GSN: variants seen among roughly 807,000 people sequenced by gnomAD.
GSN encodes actin-depolymerizing factor.
Under a neutral mutation model 85.7 loss-of-function variants are expected in GSN, and 56 were observed. That is an observed-to-expected ratio of 0.65 (90% CI 0.53 to 0.82). The LOEUF (loss-of-function observed/expected upper bound fraction) is 0.82. GSN is among the 40% of genes least tolerant of loss of function. The pLI, the probability that GSN is intolerant of heterozygous loss-of-function variation, is 0.00. For synonymous variants in GSN, 373 were observed against 399.1 expected (o/e 0.93, Z 0.78); for missense variants, 857 against 979.8 (o/e 0.87, Z 1.67).
At chr9:121,284,179 A>AGGAG (rs1316725725) in intron 2 of GSN, 6 of 167,238 alleles carry the variant, frequency 3.6e-5, no homozygotes, top group African/African-American at 1.4e-4. Context: ...GTTTTAAAGC[A>AGGAG]GGAGGGTGAC....
At chr9:121,303,110 C>T (rs1257750274) in intron 4 of GSN, 45 bp downstream of exon 4, 1 of 1,584,628 alleles carries the variant, frequency 6.3e-7, no homozygotes, top group Admixed American at 1.7e-5. Context: ...ACAGATGCAC[C>T]AGTAACAGGG....
chr9:121,267,129 G>A (rs1490759927), upstream of GSN, among the ~76,000 whole-genome samples: 6 of 152,214 alleles, frequency 3.9e-5, no homozygotes, highest in African/African-American at 1.4e-4. Context: ...AGTCTCCTGT[G>A]GAGTGTGTGA....
rs925879761 is a variant in GSN, at chr9:121,318,487, A to C, written c.968A>C (p.Gln323Pro). ...DFITKMDYPK[Q>P]TQVSVLPEGG... ...ATCACCAAGATGGACTACCCCAAGC[A>C]GACTCAGGTGAGTCTTGGAGGCCAG... Residue 323 changes from glutamine (Q) to proline (P), a missense_variant, in exon 9 of 18, where the codon CAG becomes CCG. Transcript: ENST00000432226. This position sits in a 1 kb window ranked among gnomAD's most constrained non-coding sequence, Gnocchi z 4.3. The C allele has an allele frequency of 6.2e-7, 1 of 1,612,872 alleles. No homozygotes were observed. Among genetic ancestry groups the C allele is most frequent in the Non-Finnish European group, 8.5e-7 (1 of 1,178,850 alleles).
chr9:121,215,011 C>T (rs2054034503), intron 4 of GSN, among the ~76,000 whole-genome samples: 1 of 152,182 alleles, frequency 6.6e-6, no homozygotes, highest in Non-Finnish European at 1.5e-5. Context: ...ATCAAGGTGT[C>T]AGCACAGCTG....
chr9:121,315,756 C>T (rs1054740963), intron 7 of GSN, among the ~76,000 whole-genome samples: 6 of 151,846 alleles, frequency 4.0e-5, no homozygotes, highest in Non-Finnish European at 2.9e-5. Context: ...AGTGAGACTC[C>T]GTCTCAAAAA....
intron 4 of GSN, among the ~76,000 whole-genome samples, chr9:121,212,079 G>A (rs974416429): frequency 1.8e-4 from 27 of 152,108 alleles, no homozygotes; most frequent in Non-Finnish European, 3.1e-4. Flanking sequence ...CCACCTTCCC[G>A]TTTTTCTGTA....
In GSN at chr9:121,329,412, G is replaced by A; in HGVS notation, c.1965+97G>A. The A allele has an allele frequency of 1.2e-6, 1 of 807,218 alleles. No individual in the cohort carries two copies. The highest frequency in any genetic ancestry group is 2.2e-6 in the Non-Finnish European group (1 of 453,146). The allele number at this position is 807,218 out of a possible 1,614,324, so 50.0% of individuals were successfully genotyped here. ...CAGTTGCTAGAAGGACCTAAAGGGG[G>A]CAGTGCCAGGTGTTGCCAGAAAAGT... On this transcript the variant is annotated intron_variant, in intron 16 of 17. Coordinates refer to ENST00000432226, the MANE Select transcript of GSN (RefSeq NM_198252.3). The surrounding 1 kb of genome is among the most constrained non-coding windows in gnomAD (Gnocchi z 4.6).
At chr9:121,322,181 A>G (rs995215750) in intron 11 of GSN, among the ~76,000 whole-genome samples, 15 of 152,180 alleles carry the variant, frequency 9.9e-5, no homozygotes, top group African/African-American at 3.4e-4. Context: ...TTCTTGGGTA[A>G]CTGCTTTACT....
upstream of GSN, among the ~76,000 whole-genome samples, chr9:121,206,055 T>C (rs1033840288): frequency 6.6e-6 from 1 of 152,106 alleles, no homozygotes; most frequent in Non-Finnish European, 1.5e-5. Flanking sequence ...ACACTCAGAC[T>C]TTAAAATACT....
intron 1 of GSN, among the ~76,000 whole-genome samples, chr9:121,278,251 G>A (rs375933842): frequency 3.3e-5 from 5 of 152,296 alleles, no homozygotes. Context: ...GCCTGGTAGA[G>A]TTATTGCAAT....
chr9:121,286,489 G>A lies in GSN; in HGVS notation c.-10+4927G>A. 8 of 992,060 alleles carry A rather than the reference G, an allele frequency of 8.1e-6. No individual in the cohort carries two copies. In the South Asian group the frequency reaches 1.2e-4, roughly 15 times the overall value. The allele number at this position is 992,060 out of a possible 1,614,324, so 61.5% of individuals were successfully genotyped here. A position where few individuals can be genotyped will look rare whatever the true frequency, so the allele number is the denominator to read the frequency against. ...GCCACACCCCCAAGCCTTTGCGTCT[G>A]TTGTTCCCACCTTCCCAAAAGGGAA... On this transcript the variant is annotated intron_variant, in intron 2 of 17. Coordinates refer to ENST00000432226, the MANE Select transcript of GSN (RefSeq NM_198252.3).
intron 4 of GSN, among the ~76,000 whole-genome samples, chr9:121,226,304 C>T (rs1228616937): frequency 1.3e-5 from 2 of 152,212 alleles, no homozygotes; most frequent in African/African-American, 4.8e-5. Context: ...TACAGTCTCA[C>T]TAGGACATCA....
intron 5 of GSN, among the ~76,000 whole-genome samples, chr9:121,234,269 A>G (rs2054449761): frequency 6.6e-6 from 1 of 152,208 alleles, no homozygotes; most frequent in Non-Finnish European, 1.5e-5. Context: ...ACCCAGCTCT[A>G]AATTCTACTA....
chr9:121,327,286 TA>T (rs748326563), intron 13 of GSN, 21 bp from the exon 14 acceptor site: 184 of 1,608,686 alleles, frequency 1.1e-4, no homozygotes, highest in Non-Finnish European at 1.5e-4. Context: ...GGTTCCTGAT[TA>T]ACCAAGCTGT....
At chr9:121,238,461 C>T (rs1054453733) in intron 5 of GSN, among the ~76,000 whole-genome samples, 6 of 152,164 alleles carry the variant, frequency 3.9e-5, no homozygotes, top group African/African-American at 9.7e-5. Context: ...GACTCTTGGT[C>T]CTTCGACCAC....
chr9:121,244,606 A>C (rs2054663992), intron 5 of GSN, among the ~76,000 whole-genome samples: 1 of 152,200 alleles, frequency 6.6e-6, no homozygotes, highest in Admixed American at 6.5e-5. Flanking sequence ...CAGTAGCAAA[A>C]ATATAAAAAG....
chr9:121,290,789 T>C (rs1286403901), intron 2 of GSN, among the ~76,000 whole-genome samples: 1 of 152,194 alleles, frequency 6.6e-6, no homozygotes, highest in Non-Finnish European at 1.5e-5. Flanking sequence ...TTATTCCCTA[T>C]AGTCCTCATG....
chr9:121,202,765 C>T, the GSN span, among the ~76,000 whole-genome samples: 2 of 152,102 alleles, frequency 1.3e-5, no homozygotes, highest in African/African-American at 4.8e-5. Context: ...ATAAACATGA[C>T]GTATCAATAT....
chr9:121,227,359 C>T (rs1455932510), intron 4 of GSN, among the ~76,000 whole-genome samples: 1 of 151,768 alleles, frequency 6.6e-6, no homozygotes, highest in Non-Finnish European at 1.5e-5. Context: ...GCGCCACTGC[C>T]CTCCAGCCTA....
Sources: allele counts gnomAD v4.1 joint callset (sites outside exome capture counted in the v4.1 genomes callset), GRCh38; gene constraint gnomAD v4.1.1; non-coding constraint Gnocchi (gnomAD v3.1); transcripts MANE v1.5; gene names NCBI Gene and HGNC (gene_info 2026-07-23, HGNC 2026-07-21).